TET1: variants seen among roughly 807,000 people sequenced by gnomAD.
TET1 encodes the protein methylcytosine dioxygenase TET1.
Under a neutral mutation model 148.7 loss-of-function variants are expected in TET1, and 13 were observed. The observed-to-expected ratio is 0.09, with a 90% CI of 0.06 to 0.14. The LOEUF is 0.14. Among genes scored for constraint, TET1 ranks in the 10% least tolerant of loss-of-function variants. The probability of loss-of-function intolerance (pLI) is 1.00; values close to 1 mark genes in which losing one functional copy is unlikely to be tolerated. For missense variants in TET1, 2,182 were observed against 2,553.8 expected, an observed-to-expected ratio of 0.85 and a Z score of 3.14; for synonymous variants, 907 against 937.2, an observed-to-expected ratio of 0.97 and a Z score of 0.59.
intron 3 of TET1, among the ~76,000 whole-genome samples, chr10:68,610,640 C>T (rs1037200356): frequency 1.3e-5 from 2 of 152,034 alleles, no homozygotes; most frequent in Non-Finnish European, 2.9e-5. Context: ...TTTAGAACCG[C>T]TTGGCATACT....
At chr10:68,624,378 C>T (rs373395744) in intron 3 of TET1, among the ~76,000 whole-genome samples, 2 of 151,832 alleles carry the variant, frequency 1.3e-5, no homozygotes, top group East Asian at 3.9e-4. Context: ...CAACCTCCGC[C>T]TTCCGGGTTC....
At chr10:68,563,565 C>A (rs971921338) in intron 1 of TET1, among the ~76,000 whole-genome samples, 1 of 152,204 alleles carries the variant, frequency 6.6e-6, no homozygotes, top group Non-Finnish European at 1.5e-5. Context: ...ATTTAACATG[C>A]AGGCTGGATT....
intron 6 of TET1, among the ~76,000 whole-genome samples, chr10:68,657,858 T>A (rs12263600): frequency 0.18 from 27,656 of 151,990 alleles, 3,138 homozygotes; most frequent in African/African-American, 0.31. Flanking sequence ...AAAACAATTT[T>A]AAAAAAGAAT....
intron 6 of TET1, among the ~76,000 whole-genome samples, chr10:68,662,801 G>C (rs537495765): frequency 1.3e-5 from 2 of 152,176 alleles, no homozygotes; most frequent in Non-Finnish European, 2.9e-5. Flanking sequence ...TACTTGGGAG[G>C]GTTAGGCGGA....
At chr10:68,679,608 T>C (rs1236673870) in intron 8 of TET1, among the ~76,000 whole-genome samples, 1 of 152,188 alleles carries the variant, frequency 6.6e-6, no homozygotes, top group East Asian at 1.9e-4. Flanking sequence ...TTCTCCCAAA[T>C]AAACATAATA....
In TET1 at chr10:68,691,049, G is replaced by T; in HGVS notation, c.5646G>T (p.Thr1882=). Residue 1882 remains threonine (T), a synonymous_variant, in exon 12 of 12, where the codon ACG becomes ACT. Coordinates refer to ENST00000373644, the MANE Select transcript of TET1 (RefSeq NM_030625.3). The surrounding 1 kb of genome is among the most constrained non-coding windows in gnomAD (Gnocchi z 4.4). ...AAAGAAGCAGCACTCCCCACTGTACGATGCCTTCGGGAAGACTCAGTGGTG... is the reference window on the plus strand; with the variant it reads ...AAAGAAGCAGCACTCCCCACTGTACTATGCCTTCGGGAAGACTCAGTGGTG... ...FSERSSTPHC[T]MPSGRLSGAN... is the part of the protein sequence containing the mutation. 6.2e-7 allele frequency: 1 copy of T among 1,614,182 alleles called. No homozygotes were observed. The highest frequency in any genetic ancestry group is 8.5e-7 in the Non-Finnish European group (1 of 1,180,030).
At chr10:68,622,164 C>CCCGCCCTTCCTTCCTT (rs2054380637) in intron 3 of TET1, among the ~76,000 whole-genome samples, 2 of 123,998 alleles carry the variant, frequency 1.6e-5, no homozygotes, top group African/African-American at 6.8e-5. Flanking sequence ...GATACCTATG[C>CCCGCCCTTCCTTCCTT]CCTTCCTTCC....
intron 4 of TET1, among the ~76,000 whole-genome samples, chr10:68,648,562 G>A (rs2054885447): frequency 6.6e-6 from 1 of 152,180 alleles, no homozygotes; most frequent in Admixed American, 6.5e-5. Flanking sequence ...AAATCACAAA[G>A]ACTCAAGATT....
intron 6 of TET1, among the ~76,000 whole-genome samples, chr10:68,659,303 CAG>C (rs35880111): frequency 0.73 from 110,234 of 151,894 alleles, 41,543 homozygotes; most frequent in East Asian, 0.84. Flanking sequence ...GTCAATAGAG[CAG>C]ATGTGGCAAT....
chr10:68,656,983 G>T (rs2055031815), intron 6 of TET1, among the ~76,000 whole-genome samples: 1 of 148,876 alleles, frequency 6.7e-6, no homozygotes, highest in Non-Finnish European at 1.5e-5. Context: ...CCAAGATGGT[G>T]CCACGGCACT....
At chr10:68,610,435 A>G (rs2132918025) in intron 3 of TET1, among the ~76,000 whole-genome samples, 1 of 146,514 alleles carries the variant, frequency 6.8e-6, no homozygotes, top group Middle Eastern at 3.6e-3. Flanking sequence ...AAAGGAAATA[A>G]CAAAAATTAG....
At chr10:68,628,355 G>T (rs149209663) in intron 3 of TET1, among the ~76,000 whole-genome samples, 3 of 152,202 alleles carry the variant, frequency 2.0e-5, no homozygotes, top group African/African-American at 7.2e-5. Context: ...TGACTAGAAG[G>T]TGTCGTCGTT....
At chr10:68,624,628 C>CTTTCTT (rs1554938018) in intron 3 of TET1, among the ~76,000 whole-genome samples, 3 of 38,872 alleles carry the variant, frequency 7.7e-5, no homozygotes, top group African/African-American at 1.6e-4. Flanking sequence ...TTCTTTCTTT[C>CTTTCTT]TTTCTTTCTT....
chr10:68,663,049 A>C (rs1313427460), intron 6 of TET1, among the ~76,000 whole-genome samples: 3 of 152,240 alleles, frequency 2.0e-5, no homozygotes, highest in Non-Finnish European at 4.4e-5. Context: ...TGTTGGGTAC[A>C]ATGTTCACTA....
intron 6 of TET1, among the ~76,000 whole-genome samples, chr10:68,660,655 T>A (rs1337025244): frequency 6.8e-6 from 1 of 147,900 alleles, no homozygotes; most frequent in Non-Finnish European, 1.5e-5. Context: ...TTTTACTTTT[T>A]AAAAAACTAT....
At position 68,574,260 on chromosome 10, in the gene TET1, A is replaced by G. The variant is rs1394838833; in HGVS notation, c.1914+8A>G. 1 of 1,607,592 alleles carries G rather than the reference A, an allele frequency of 6.2e-7. No homozygotes were observed. The highest frequency in any genetic ancestry group is 1.1e-5 in the South Asian group (1 of 90,550). ...GTTGTTGTGCCTCTGGAGGTAAGCA[A>G]ACAGTCAAGGGGCTGGGAGACAGCT... On this transcript the variant is annotated splice_region_variant and intron_variant, in intron 2 of 11. Coordinates refer to ENST00000373644, the MANE Select transcript of TET1 (RefSeq NM_030625.3).
At chr10:68,595,705 C>T (rs1173177606) in intron 2 of TET1, among the ~76,000 whole-genome samples, 18 of 141,864 alleles carry the variant, frequency 1.3e-4, no homozygotes, top group Admixed American at 2.2e-4. Flanking sequence ...GCAAACTCCG[C>T]CTGCCGGTTT....
chr10:68,627,770 AT>A (rs200653578), intron 3 of TET1, among the ~76,000 whole-genome samples: 81 of 149,680 alleles, frequency 5.4e-4, no homozygotes, highest in Admixed American at 4.7e-4. Context: ...TACCAAAAAA[AT>A]AAAAAAATAC....
intron 3 of TET1, among the ~76,000 whole-genome samples, chr10:68,637,177 T>C (rs1415750593): frequency 1.3e-5 from 2 of 152,058 alleles, no homozygotes; most frequent in Non-Finnish European, 2.9e-5. Context: ...TTTTGTGTTT[T>C]TAGTAGAGAT....
Sources: allele counts gnomAD v4.1 joint callset (sites outside exome capture counted in the v4.1 genomes callset), GRCh38; gene constraint gnomAD v4.1.1; non-coding constraint Gnocchi (gnomAD v3.1); transcripts MANE v1.5; gene names NCBI Gene and HGNC (gene_info 2026-07-23, HGNC 2026-07-21).